Variants in PPFIBP1 observed in about 807,000 individuals in gnomAD.
PPFIBP1 encodes the protein liprin-beta-1.
A neutral mutation model predicts 137.8 loss-of-function variants in PPFIBP1; 112 were observed. That is an observed-to-expected ratio of 0.81 (90% CI 0.70 to 0.95). The LOEUF (loss-of-function observed/expected upper bound fraction) is 0.95. Ranked by LOEUF, PPFIBP1 falls within the 40% of genes least tolerant of loss-of-function variation. The pLI, the probability that PPFIBP1 is intolerant of heterozygous loss-of-function variation, is 0.00. For missense variants in PPFIBP1, 1,083 were observed against 1,196.6 expected, an observed-to-expected ratio of 0.91 and a Z score of 1.40; for synonymous variants, 378 against 417.3, an observed-to-expected ratio of 0.91 and a Z score of 1.15.
chr12:27,591,510 A>G (rs2052515356), intron 2 of PPFIBP1, among the ~76,000 whole-genome samples: 1 of 152,198 alleles, frequency 6.6e-6, no homozygotes, highest in African/African-American at 2.4e-5. Flanking sequence ...TTTGGTAAAT[A>G]CTGCTCTGTG....
At chr12:27,653,490 T>A (rs2059004265) in intron 7 of PPFIBP1, among the ~76,000 whole-genome samples, 3 of 148,688 alleles carry the variant, frequency 2.0e-5, no homozygotes, top group Admixed American at 6.9e-5. Flanking sequence ...GGGAGGCTGA[T>A]GCAAGAGAAT....
In PPFIBP1 at chr12:27,691,938, A is replaced by G. The variant is rs756475359; in HGVS notation, c.2865+10A>G. On this transcript the variant is annotated intron_variant, in intron 28 of 29. Transcript: ENST00000228425. Reference sequence around the variant, plus strand: ...GGACCGGTTAGAGCAGGTAAATCCAACACTGTATAACTTTTTGCGAGTTCT... The same window carrying G: ...GGACCGGTTAGAGCAGGTAAATCCAGCACTGTATAACTTTTTGCGAGTTCT... 3 of 1,575,850 alleles carry G rather than the reference A, an allele frequency of 1.9e-6. No homozygotes were observed. In the Admixed American group the frequency reaches 5.6e-5, roughly 30 times the overall value.
In PPFIBP1 at chr12:27,681,565, G is replaced by C; in HGVS notation, c.1915G>C (p.Ala639Pro). 6.2e-7 allele frequency: 1 copy of C among 1,614,046 alleles called. No individual in the cohort carries two copies. The highest frequency in any genetic ancestry group is 8.5e-7 in the Non-Finnish European group (1 of 1,179,968). Residue 639 changes from alanine to proline, a missense_variant, in exon 22 of 30, where the codon GCC becomes CCC. Transcript: ENST00000228425. The stretch of plus-strand genomic sequence containing the variant: ...CTGTAGTGACTTGGATATGCCATTT[G>C]CCAAGTGGACCAAGGAGCAGGTTTG... ...QSNSDLDMPF[A>P]KWTKEQVCNW...
chr12:27,532,828 A>G (rs1944559822), intron 1 of PPFIBP1, among the ~76,000 whole-genome samples: 1 of 152,208 alleles, frequency 6.6e-6, no homozygotes, highest in Non-Finnish European at 1.5e-5. Context: ...AGGGTTTTAA[A>G]GAGAGTGACA....
chr12:27,531,019 C>T (rs1944357670), intron 1 of PPFIBP1, among the ~76,000 whole-genome samples: 1 of 152,198 alleles, frequency 6.6e-6, no homozygotes, highest in Non-Finnish European at 1.5e-5. Flanking sequence ...GAACTTGGGT[C>T]AGTTACTTGC....
At chr12:27,625,524 CTG>C (rs1009593880) in intron 2 of PPFIBP1, among the ~76,000 whole-genome samples, 5 of 151,396 alleles carry the variant, frequency 3.3e-5, no homozygotes, top group African/African-American at 1.2e-4. Flanking sequence ...CAAATACACA[CTG>C]TTCAAATTTC....
intron 2 of PPFIBP1, chr12:27,592,799 CA>C (rs1402284461): frequency 2.9e-6 from 2 of 690,734 alleles, no homozygotes; most frequent in Non-Finnish European, 5.1e-6. Context: ...TGACAGCAGC[CA>C]AGTCAACATT....
chr12:27,549,923 A>T (rs1677580079), intron 1 of PPFIBP1, among the ~76,000 whole-genome samples: 1 of 152,196 alleles, frequency 6.6e-6, no homozygotes, highest in South Asian at 2.1e-4. Context: ...CCTCTTTCGT[A>T]AGCTGATGTT....
chr12:27,680,006 A>G lies in PPFIBP1; in HGVS notation c.1840A>G (p.Arg614Gly). The change falls in exon 21 of 30, where the codon AGG (arginine) becomes GGG (glycine). Residue 614 changes from arginine (R) to glycine (G), a missense_variant. By Grantham distance (125) the Arg-to-Gly change is moderately radical (BLOSUM62 -2). Coordinates refer to ENST00000228425, the MANE Select transcript of PPFIBP1 (RefSeq NM_003622.4). ...GCCTGAATTCAAAAGAGGAGGGACA[A>G]GGGCAACCGCGGGGCCCCGATTAGG... is the stretch of plus-strand genomic sequence containing the variant. ...SEPEFKRGGT[R>G]ATAGPRLGWS... 6.2e-7 allele frequency: 1 copy of G among 1,614,134 alleles called. No individual in the cohort carries two copies. Among genetic ancestry groups the G allele is most frequent in the Non-Finnish European group, 8.5e-7 (1 of 1,179,986 alleles).
Position 27,682,453 on chromosome 12 carries a change from G to GAAGAA in PPFIBP1, c.2114_2118dup (p.Glu707LysfsTer43). 6.2e-7 allele frequency: 1 copy of GAAGAA among 1,614,098 alleles called. No homozygotes were observed. Among genetic ancestry groups the GAAGAA allele is most frequent in the African/African-American group, 1.3e-5 (1 of 75,070 alleles). ...GCTAGCACTCCAAGCCCTGGGATCT[G>GAAGAA]AAGAAGAAACCAATCATGGGAAGCT... is the stretch of plus-strand genomic sequence containing the variant. On this transcript the variant is annotated frameshift_variant, in exon 23 of 30. Coordinates refer to ENST00000228425, the MANE Select transcript of PPFIBP1 (RefSeq NM_003622.4). LOFTEE classifies it high-confidence loss of function.
intron 5 of PPFIBP1, chr12:27,646,390 A>G: frequency 4.9e-5 from 26 of 528,470 alleles, no homozygotes; most frequent in South Asian, 4.3e-4. Context: ...ATACGGGCAC[A>G]ATGTTGTCTG....
At chr12:27,533,387 A>C (rs1398820491) in intron 1 of PPFIBP1, among the ~76,000 whole-genome samples, 1 of 152,216 alleles carries the variant, frequency 6.6e-6, no homozygotes, top group Non-Finnish European at 1.5e-5. Context: ...TAAGCACCTT[A>C]AATATTTCAA....
At chr12:27,566,408 G>A (rs1281321751) in intron 1 of PPFIBP1, among the ~76,000 whole-genome samples, 1 of 151,262 alleles carries the variant, frequency 6.6e-6, no homozygotes, top group Non-Finnish European at 1.5e-5. Context: ...TATATTATTT[G>A]CATAGCAAGG....
intron 2 of PPFIBP1, among the ~76,000 whole-genome samples, chr12:27,589,926 C>T (rs1283709165): frequency 6.6e-6 from 1 of 152,136 alleles, no homozygotes; most frequent in Non-Finnish European, 1.5e-5. Context: ...TAATAGATTT[C>T]TCAGTTGATA....
chr12:27,664,534 T>C, intron 12 of PPFIBP1, 88 bp downstream of exon 12: 1 of 868,576 alleles, frequency 1.2e-6, no homozygotes. Flanking sequence ...CTTTCCTGGA[T>C]CATACCCATT....
chr12:27,625,386 C>T (rs538483120), intron 2 of PPFIBP1, among the ~76,000 whole-genome samples: 1 of 152,062 alleles, frequency 6.6e-6, no homozygotes, highest in African/African-American at 2.4e-5. Flanking sequence ...TATTTTAAAG[C>T]AAATTCCAAA....
At chr12:27,537,652 G>A (rs1246475736) in intron 1 of PPFIBP1, among the ~76,000 whole-genome samples, 1 of 151,998 alleles carries the variant, frequency 6.6e-6, no homozygotes, top group Admixed American at 6.6e-5. Context: ...TGCTTTGGGA[G>A]GGTTTACTTA....
At chr12:27,550,986 T>TAC (rs1946710198) in intron 1 of PPFIBP1, among the ~76,000 whole-genome samples, 1 of 91,018 alleles carries the variant, frequency 1.1e-5, no homozygotes, top group Non-Finnish European at 2.3e-5. Context: ...TTTATATATA[T>TAC]ATATATTTTT....
At chr12:27,692,516 A>T in intron 28 of PPFIBP1, 75 bp from the exon 29 acceptor site, 1 of 1,356,480 alleles carries the variant, frequency 7.4e-7, no homozygotes. Flanking sequence ...TTCTTCTTAG[A>T]CTTTTGTTCC....
Sources: gnomAD v4.1 joint callset for allele counts (sites outside exome capture counted in the v4.1 genomes callset) on GRCh38, gnomAD v4.1.1 for gene constraint, MANE v1.5 for transcripts, NCBI Gene and HGNC (gene_info 2026-07-23, HGNC 2026-07-21) for gene names.